The following BCAS3 variants were observed in gnomAD, a reference collection of about 807,000 sequenced individuals.
BCAS3 encodes the protein BCAS4/BCAS3 fusion.
In BCAS3, 53 loss-of-function variants were observed where a neutral mutation model predicts 116.1. The ratio of observed to expected loss-of-function variants is 0.46; its 90% CI spans 0.37 to 0.57. The LOEUF is 0.57. Ranked by LOEUF, BCAS3 falls within the 20% of genes least tolerant of loss-of-function variation. The probability of loss-of-function intolerance (pLI) is 0.00; values close to 1 mark genes in which losing one functional copy is unlikely to be tolerated. For missense variants in BCAS3, 917 were observed against 1,165.4 expected (o/e 0.79, Z 3.10); for synonymous variants, 391 against 408.2 (o/e 0.96, Z 0.51).
At chr17:60,687,777 A>G (rs529795778) in intron 3 of BCAS3, among the ~76,000 whole-genome samples, 1 of 152,330 alleles carries the variant, frequency 6.6e-6, no homozygotes, top group Admixed American at 6.5e-5. Flanking sequence ...GCAAAGCTGT[A>G]GTAAGGAACA....
chr17:60,997,730 T>G (rs959857149), intron 15 of BCAS3, among the ~76,000 whole-genome samples: 2 of 152,216 alleles, frequency 1.3e-5, no homozygotes, highest in Admixed American at 6.5e-5. Context: ...AACCCCATCT[T>G]TAAAGGCCAG....
At chr17:61,172,404 C>T (rs765782313) in intron 22 of BCAS3, among the ~76,000 whole-genome samples, 72 of 152,132 alleles carry the variant, frequency 4.7e-4, no homozygotes, top group Middle Eastern at 3.4e-3. Flanking sequence ...GAGGCCGAGG[C>T]GGGCGGATCA....
Position 61,213,396 on chromosome 17 carries a change from C to G in BCAS3, c.2425+128832C>G, listed in dbSNP as rs2081588392. Among the ~76,000 whole-genome samples, 1 of 152,002 alleles carries G rather than the reference C, an allele frequency of 6.6e-6. No homozygotes were observed. The highest frequency in any genetic ancestry group is 6.6e-5 in the Admixed American group (1 of 15,256). ...GCTTGGCCAGGCTGGTCTTGAACTC[C>G]TGACCTCGTGATCCACCCGCCTCGA... On this transcript the variant is annotated intron_variant, in intron 22 of 23. Coordinates refer to ENST00000407086, the MANE Select transcript of BCAS3 (RefSeq NM_017679.5). This position sits in a 1 kb window ranked among gnomAD's most constrained non-coding sequence, Gnocchi z 5.4.
At chr17:61,093,934 T>C (rs2073799348) in intron 22 of BCAS3, among the ~76,000 whole-genome samples, 1 of 152,260 alleles carries the variant, frequency 6.6e-6, no homozygotes, top group Non-Finnish European at 1.5e-5. Flanking sequence ...CCAGTGGTTT[T>C]TCAAACTCTG....
chr17:60,875,520 A>G (rs1228697183), intron 9 of BCAS3, among the ~76,000 whole-genome samples: 2 of 152,222 alleles, frequency 1.3e-5, no homozygotes, highest in Middle Eastern at 3.4e-3. Flanking sequence ...CTCAATTTAA[A>G]CCATATATGA....
chr17:60,817,868 T>C (rs1406316870), intron 7 of BCAS3, among the ~76,000 whole-genome samples: 1 of 151,902 alleles, frequency 6.6e-6, no homozygotes, highest in Non-Finnish European at 1.5e-5. Context: ...TTTTTTTTTT[T>C]TTTTGAGGCA....
chr17:60,954,546 A>G (rs2061021347), intron 14 of BCAS3, among the ~76,000 whole-genome samples: 1 of 152,208 alleles, frequency 6.6e-6, no homozygotes, highest in African/African-American at 2.4e-5. Context: ...TTTCTAAGCT[A>G]TCACCATTTA....
At chr17:61,360,607 T>A (rs761121230) in intron 22 of BCAS3, among the ~76,000 whole-genome samples, 1 of 152,222 alleles carries the variant, frequency 6.6e-6, no homozygotes, top group Non-Finnish European at 1.5e-5. Flanking sequence ...TGTCTTCACA[T>A]GGGCTTCTTC....
In BCAS3 at chr17:61,324,197, A is replaced by C. The variant is rs1467705794; in HGVS notation, c.2426-44130A>C. 6.6e-6 allele frequency among the ~76,000 whole-genome samples: 1 copy of C among 152,210 alleles called. No homozygotes were observed. Among genetic ancestry groups the C allele is most frequent in the African/African-American group, 2.4e-5 (1 of 41,456 alleles). On this transcript the variant is annotated intron_variant, in intron 22 of 23. Transcript: ENST00000407086. This position sits in a 1 kb window ranked among gnomAD's most constrained non-coding sequence, Gnocchi z 4.6. Reference sequence around the variant, plus strand: ...ATTCTCTGTATCCCCAGTGCCAGACATATGCTAAGCACTCGAGAAATGTTT... The same window carrying C: ...ATTCTCTGTATCCCCAGTGCCAGACCTATGCTAAGCACTCGAGAAATGTTT...
chr17:61,371,508 T>C (rs1454023637), intron 23 of BCAS3, among the ~76,000 whole-genome samples: 3 of 152,182 alleles, frequency 2.0e-5, no homozygotes, highest in Non-Finnish European at 4.4e-5. Context: ...AGAGATGTAT[T>C]GTCCAGCATG....
At chr17:60,689,395 T>G (rs2034515489) in intron 3 of BCAS3, among the ~76,000 whole-genome samples, 1 of 152,190 alleles carries the variant, frequency 6.6e-6, no homozygotes, top group Non-Finnish European at 1.5e-5. Flanking sequence ...AGGCTGGTCT[T>G]GAACTCCTGG....
intron 1 of BCAS3, among the ~76,000 whole-genome samples, chr17:60,678,259 GGTGC>G (rs1364392924): frequency 1.3e-5 from 2 of 152,182 alleles, no homozygotes; most frequent in African/African-American, 4.8e-5. Context: ...AGGGGCTGGA[GGTGC>G]AGGTATCCTC....
Position 60,820,408 on chromosome 17 carries a change from G to A in BCAS3, c.476+12332G>A, listed in dbSNP as rs562376932. Among the ~76,000 whole-genome samples, 29 of 152,258 alleles carry A rather than the reference G, an allele frequency of 1.9e-4. No individual in the cohort carries two copies. In the South Asian group the frequency reaches 4.8e-3, roughly 25 times the overall value. ...GGGTCATCCCAGTCAGAAACTAGGGGCTGGATTCTGAAGGTCCAGAGAGCC... is the reference window on the plus strand; with the variant it reads ...GGGTCATCCCAGTCAGAAACTAGGGACTGGATTCTGAAGGTCCAGAGAGCC... On this transcript the variant is annotated intron_variant, in intron 7 of 23. Transcript: ENST00000407086.
At chr17:61,071,416 AC>A (rs1435598306) in intron 19 of BCAS3, among the ~76,000 whole-genome samples, 3 of 152,206 alleles carry the variant, frequency 2.0e-5, no homozygotes, top group Non-Finnish European at 4.4e-5. Flanking sequence ...CAGTGAGTCT[AC>A]TCCTGTATAA....
intron 6 of BCAS3, among the ~76,000 whole-genome samples, chr17:60,760,326 T>C (rs756748580): frequency 6.6e-6 from 1 of 152,130 alleles, no homozygotes; most frequent in Non-Finnish European, 1.5e-5. Context: ...TGATAGGGTA[T>C]GTGTTATTCT....
At position 61,241,431 on chromosome 17, in the gene BCAS3, G is replaced by T. The variant is rs2047504040; in HGVS notation, c.2426-126896G>T. On this transcript the variant is annotated intron_variant, in intron 22 of 23. Transcript: ENST00000407086. The surrounding 1 kb of genome is among the most constrained non-coding windows in gnomAD (Gnocchi z 4.6). Reference sequence around the variant, plus strand: ...ATAAGCTTAATAAAATAATAGTTTGGGCCTGCGCAGTGGCTCACCCCTGTA... The same window carrying T: ...ATAAGCTTAATAAAATAATAGTTTGTGCCTGCGCAGTGGCTCACCCCTGTA... Among the ~76,000 whole-genome samples, 1 of 151,880 alleles carries T rather than the reference G, an allele frequency of 6.6e-6. No individual in the cohort carries two copies. The highest frequency in any genetic ancestry group is 1.5e-5 in the Non-Finnish European group (1 of 68,000).
At chr17:60,796,824 C>G (rs879432019) in intron 6 of BCAS3, among the ~76,000 whole-genome samples, 14 of 152,112 alleles carry the variant, frequency 9.2e-5, no homozygotes, top group Admixed American at 5.9e-4. Context: ...TGTGCTCTTT[C>G]AGGCTTTTTG....
chr17:60,870,755 G>GT (rs1306227592), intron 8 of BCAS3, among the ~76,000 whole-genome samples: 1 of 152,156 alleles, frequency 6.6e-6, no homozygotes, highest in Non-Finnish European at 1.5e-5. Context: ...CTGCAGGTAA[G>GT]TTTTTTCAAT....
intron 22 of BCAS3, among the ~76,000 whole-genome samples, chr17:61,250,474 AACT>A (rs2048288311): frequency 6.6e-6 from 1 of 152,226 alleles, no homozygotes. Context: ...CCAAGGTTGT[AACT>A]GAGCACTGCT....
Sources: allele counts gnomAD v4.1 joint callset (sites outside exome capture counted in the v4.1 genomes callset), GRCh38; gene constraint gnomAD v4.1.1; non-coding constraint Gnocchi (gnomAD v3.1); transcripts MANE v1.5; gene names NCBI Gene and HGNC (gene_info 2026-07-23, HGNC 2026-07-21).